Variants in TSPAN11 observed in about 807,000 individuals in gnomAD.
TSPAN11 encodes the protein tetraspanin 11, also known as tetraspanin-11.
TSPAN11 carries 29 observed loss-of-function variants against 32.9 expected under a neutral mutation model. The ratio of observed to expected loss-of-function variants is 0.88; its 90% CI spans 0.66 to 1.20. The LOEUF (loss-of-function observed/expected upper bound fraction) is 1.20, where lower values mean the gene tolerates loss of function less well. Ranked by LOEUF, TSPAN11 falls within the 50% of genes most tolerant of loss-of-function variation. The pLI is 0.00. For missense variants in TSPAN11, 283 were observed against 329.1 expected, an observed-to-expected ratio of 0.86 and a Z score of 1.08; for synonymous variants, 140 against 141.3, an observed-to-expected ratio of 0.99 and a Z score of 0.07.
intron 3 of TSPAN11, among the ~76,000 whole-genome samples, chr12:30,972,812 G>A (rs1458208874): frequency 6.6e-6 from 1 of 151,596 alleles, no homozygotes; most frequent in African/African-American, 2.4e-5. Flanking sequence ...GCAGGGGGGA[G>A]GTGGGGGGAG....
chr12:30,987,538 C>T (rs373901132), intron 7 of TSPAN11, among the ~76,000 whole-genome samples: 8 of 152,032 alleles, frequency 5.3e-5, no homozygotes, highest in African/African-American at 1.7e-4. Flanking sequence ...ACCCAGGAGG[C>T]GGAGGTTGCA....
intron 5 of TSPAN11, 114 bp from the exon 6 acceptor site, chr12:30,982,418 C>T (rs908122458): frequency 1.4e-6 from 2 of 1,423,468 alleles, no homozygotes; most frequent in East Asian, 2.3e-5. Flanking sequence ...ACTAACTAAC[C>T]ATGGTTCGGG....
the TSPAN11 span, among the ~76,000 whole-genome samples, chr12:31,013,700 G>A: frequency 2.0e-5 from 3 of 152,192 alleles, no homozygotes; most frequent in African/African-American, 7.2e-5. Flanking sequence ...TTGAGTGGTG[G>A]GAACACAGTC....
At chr12:30,943,055 C>A (rs910137641) in intron 1 of TSPAN11, among the ~76,000 whole-genome samples, 8 of 152,200 alleles carry the variant, frequency 5.3e-5, no homozygotes, top group African/African-American at 1.7e-4. Context: ...AGGTGTGATT[C>A]CCTCCAGAGG....
At chr12:30,998,780 C>T (rs1239914537), downstream of TSPAN11, 4 of 152,228 alleles carry the variant, frequency 2.6e-5, no homozygotes, top group African/African-American at 7.2e-5. Flanking sequence ...GGAGCAACTT[C>T]CGCTGGACTT....
Position 30,936,824 on chromosome 12 carries a change from G to C in TSPAN11, c.-12+10028G>C, listed in dbSNP as rs549154834. ...AGTCATCAGCTTGTTGGAGGTGGAT[G>C]GAGTTGGGCATAAATGGGGGTAGCA... On this transcript the variant is annotated intron_variant, in intron 1 of 7. Transcript: ENST00000546076. Among the ~76,000 whole-genome samples, 40 of 152,286 alleles carry C rather than the reference G, an allele frequency of 2.6e-4. No individual in the cohort carries two copies. In the East Asian group the frequency reaches 7.3e-3, roughly 28 times the overall value.
At chr12:30,962,891 C>G (rs1439660507) in intron 2 of TSPAN11, among the ~76,000 whole-genome samples, 3 of 152,204 alleles carry the variant, frequency 2.0e-5, no homozygotes, top group Non-Finnish European at 2.9e-5. Context: ...ATCTGGCACC[C>G]TGAAGATGCT....
At chr12:30,937,247 G>A (rs1938064806) in intron 1 of TSPAN11, among the ~76,000 whole-genome samples, 1 of 152,176 alleles carries the variant, frequency 6.6e-6, no homozygotes, top group Non-Finnish European at 1.5e-5. Context: ...TTCAGAGGAA[G>A]AAAGATCTGG....
In TSPAN11 at chr12:30,992,076, C is replaced by A; in HGVS notation, c.*161C>A. On this transcript the variant is annotated 3_prime_UTR_variant, in exon 8 of 8. Transcript: ENST00000546076. ...CACCGAGTGCCTGAGACCATAGCTT[C>A]TGTGCCCACCCAGGCAGAGACCCTC... The A allele has an allele frequency of 1.7e-6, 1 of 595,212 alleles. No homozygotes were observed. The highest frequency in any genetic ancestry group is 2.7e-6 in the Non-Finnish European group (1 of 374,612). The allele number at this position is 595,212 out of a possible 1,614,324, so 36.9% of individuals were successfully genotyped here. A position where few individuals can be genotyped will look rare whatever the true frequency, so the allele number is the denominator to read the frequency against.
chr12:30,960,821 C>G (rs561666834), intron 2 of TSPAN11, among the ~76,000 whole-genome samples: 10 of 151,884 alleles, frequency 6.6e-5, no homozygotes, highest in African/African-American at 2.2e-4. Flanking sequence ...GGTGGATCAC[C>G]TGAGGTCAAG....
At chr12:30,973,017 T>C (rs1330227261) in intron 3 of TSPAN11, among the ~76,000 whole-genome samples, 1 of 152,080 alleles carries the variant, frequency 6.6e-6, no homozygotes, top group Non-Finnish European at 1.5e-5. Flanking sequence ...CTGACACCCC[T>C]GTGTTCACCT....
the TSPAN11 span, chr12:31,012,707 T>A: frequency 6.6e-6 from 1 of 152,226 alleles, no homozygotes; most frequent in Admixed American, 6.5e-5. Context: ...TCCTGTCAGA[T>A]AACCAAGGCA....
Position 30,982,652 on chromosome 12 carries a change from G to T in TSPAN11, c.577G>T (p.Gly193Cys). ...CTGCAAGACAGTGGTGGTGCGCTGC[G>T]GCCAGCGGGCCCACCCCTCCAACAT... ...SCCKTVVVRC[G>C]QRAHPSNIYK... The change falls in exon 6 of 8, where the codon GGC becomes TGC. Residue 193 changes from glycine (G) to cysteine (C), a missense_variant. Coordinates refer to ENST00000546076, the MANE Select transcript of TSPAN11 (RefSeq NM_001370302.1). The T allele has an allele frequency of 6.2e-7, 1 of 1,603,504 alleles. No homozygotes were observed. Among genetic ancestry groups the T allele is most frequent in the Non-Finnish European group, 8.5e-7 (1 of 1,175,128 alleles).
At chr12:30,946,159 A>G (rs2140278820) in intron 1 of TSPAN11, among the ~76,000 whole-genome samples, 1 of 152,328 alleles carries the variant, frequency 6.6e-6, no homozygotes, top group Non-Finnish European at 1.5e-5. Context: ...ATCTGGGAGC[A>G]GTGGCCAGCC....
intron 3 of TSPAN11, 45 bp downstream of exon 3, chr12:30,964,062 C>T (rs1206131274): frequency 1.3e-6 from 2 of 1,573,502 alleles, no homozygotes; most frequent in Non-Finnish European, 8.6e-7. Context: ...AGCCCTGCAC[C>T]ACCCAGTCAG....
intron 5 of TSPAN11, among the ~76,000 whole-genome samples, chr12:30,981,207 C>T (rs1394422144): frequency 2.0e-5 from 3 of 152,152 alleles, no homozygotes; most frequent in East Asian, 1.9e-4. Context: ...CCCCAGGCCA[C>T]ATCTCAGGCA....
chr12:30,936,256 T>G (rs1311662740), intron 1 of TSPAN11, among the ~76,000 whole-genome samples: 3 of 152,208 alleles, frequency 2.0e-5, no homozygotes, highest in African/African-American at 2.4e-5. Context: ...ACATTTTTCT[T>G]CCTGAGCTGC....
At position 30,953,971 on chromosome 12, in the gene TSPAN11, T is replaced by C; in HGVS notation, c.-11-10T>C. On this transcript the variant is annotated splice_polypyrimidine_tract_variant and intron_variant, in intron 1 of 7. Coordinates refer to ENST00000546076, the MANE Select transcript of TSPAN11 (RefSeq NM_001370302.1). Reference sequence around the variant, plus strand: ...GATTCCCCGGCCCAGCATATGTGTCTTCTCTGCAGGCCCAGAAGCCATGGC... The same window carrying C: ...GATTCCCCGGCCCAGCATATGTGTCCTCTCTGCAGGCCCAGAAGCCATGGC... The C allele has an allele frequency of 3.1e-6, 5 of 1,607,434 alleles. No individual in the cohort carries two copies. Among genetic ancestry groups the C allele is most frequent in the Non-Finnish European group, 4.3e-6 (5 of 1,175,652 alleles).
intron 7 of TSPAN11, 37 bp downstream of exon 7, chr12:30,983,187 G>A (rs988323638): frequency 7.0e-6 from 11 of 1,575,030 alleles, no homozygotes; most frequent in East Asian, 4.5e-5. Flanking sequence ...GGGTGGAAGG[G>A]CTCTGAACCC....
Sources: allele counts gnomAD v4.1 joint callset (sites outside exome capture counted in the v4.1 genomes callset), GRCh38; gene constraint gnomAD v4.1.1; transcripts MANE v1.5; gene names NCBI Gene and HGNC (gene_info 2026-07-23, HGNC 2026-07-21).